The following MTMR8 variants were observed in gnomAD, a reference collection of about 807,000 sequenced individuals.
MTMR8 encodes the protein phosphatidylinositol-3,5-bisphosphate 3-phosphatase MTMR8.
Under a neutral mutation model 39.3 loss-of-function variants are expected in MTMR8, and 65 were observed. That is an observed-to-expected ratio of 1.65 (90% CI 1.35 to 2.03). The LOEUF (loss-of-function observed/expected upper bound fraction) is 2.03, where lower values mean the gene tolerates loss of function less well. Ranked by LOEUF, MTMR8 falls within the 30% of genes most tolerant of loss-of-function variation. The pLI, the probability that MTMR8 is intolerant of heterozygous loss-of-function variation, is 0.00. For synonymous variants in MTMR8, 245 were observed against 185.2 expected (o/e 1.32, Z -2.62); for missense variants, 777 against 538.9 (o/e 1.44, Z -4.37).
At chrX:64,298,407 G>C (rs1330456719) in intron 12 of MTMR8, among the ~76,000 whole-genome samples, 1 of 87,787 alleles carries the variant, frequency 1.1e-5, no homozygotes, top group Non-Finnish European at 2.1e-5. Flanking sequence ...AAGAATGCTT[G>C]TGATTTTTGT....
Position 64,354,809 on chromosome X carries a change from A to G in MTMR8, c.436T>C (p.Trp146Arg). The change falls in exon 4 of 14, where the codon TGG (tryptophan) becomes CGG (arginine). Residue 146 changes from tryptophan (W) to arginine (R), a missense_variant. By Grantham distance (101) the Trp-to-Arg change is moderately radical (BLOSUM62 -3). Transcript: ENST00000374852. ...TTTCTGTTGGCATCTGTTATGGTCC[A>G]GTTTCTGTTGGGTATTCCCATACGC... ...FGRMGIPNRN[W>R]TITDANRNYE... 8.3e-7 allele frequency: 1 copy of G among 1,205,071 alleles called. No individual in the cohort carries two copies. The highest frequency in any genetic ancestry group is 2.2e-5 in the Admixed American group (1 of 45,024).
At chrX:64,356,074 C>A (rs1165166303) in intron 3 of MTMR8, 102 bp downstream of exon 3, 19 of 840,982 alleles carry the variant, frequency 2.3e-5, no homozygotes, top group Middle Eastern at 6.3e-4. Flanking sequence ...GTGGTACAGC[C>A]CAGATCCAAA....
intron 12 of MTMR8, among the ~76,000 whole-genome samples, chrX:64,283,403 G>A (rs1315604262): frequency 3.6e-5 from 4 of 112,213 alleles, no homozygotes; most frequent in Admixed American, 9.5e-5. Context: ...TGGGGGCAGG[G>A]TATAGCTGAA....
chrX:64,386,404 T>G (rs1436336937), intron 1 of MTMR8, among the ~76,000 whole-genome samples: 1 of 111,428 alleles, frequency 9.0e-6, no homozygotes, highest in East Asian at 2.8e-4. Flanking sequence ...CAGAGAAGGA[T>G]TAAACAGTTA....
Position 64,354,848 on chromosome X carries a change from T to C in MTMR8, c.397A>G (p.Ile133Val). Residue 133 changes from isoleucine to valine, a missense_variant, in exon 4 of 14, where the codon ATA becomes GTA. Ile to Val is a conservative substitution (Grantham distance 29). Coordinates refer to ENST00000374852, the MANE Select transcript of MTMR8 (RefSeq NM_017677.4). ...RESGWKLIDP[I>V]SDFGRMGIPN... ...ATTCCCATACGCCCAAAGTCTGATA[T>C]TGGGTCAATCAGTTTCCATCCACTT... The C allele has an allele frequency of 8.3e-7, 1 of 1,207,131 alleles. No individual in the cohort carries two copies. The highest frequency in any genetic ancestry group is 1.1e-6 in the Non-Finnish European group (1 of 892,264).
intron 12 of MTMR8, among the ~76,000 whole-genome samples, chrX:64,280,871 T>G (rs1480632287): frequency 9.0e-6 from 1 of 111,424 alleles, no homozygotes; most frequent in African/African-American, 3.3e-5. Flanking sequence ...AAAATCAATG[T>G]GCAAAAATCT....
At chrX:64,282,077 C>T (rs1932028119) in intron 12 of MTMR8, among the ~76,000 whole-genome samples, 2 of 111,060 alleles carry the variant, frequency 1.8e-5, no homozygotes, top group Admixed American at 9.6e-5. Context: ...ACAACAGATG[C>T]TGGCAAGGCT....
At chrX:64,314,694 G>A (rs1922412841) in intron 12 of MTMR8, among the ~76,000 whole-genome samples, 1 of 112,797 alleles carries the variant, frequency 8.9e-6, no homozygotes, top group African/African-American at 3.2e-5. Flanking sequence ...AGGCAGGGAA[G>A]AAGGCAAGAT....
chrX:64,289,393 A>T (rs1188229542), intron 12 of MTMR8, among the ~76,000 whole-genome samples: 2 of 110,778 alleles, frequency 1.8e-5, no homozygotes, highest in Admixed American at 1.9e-4. Context: ...AAACAGATTT[A>T]ACATATAATC....
chrX:64,293,756 C>G (rs2147193400), intron 12 of MTMR8, among the ~76,000 whole-genome samples: 1 of 111,769 alleles, frequency 8.9e-6, no homozygotes, highest in Admixed American at 9.5e-5. Flanking sequence ...CTAAAGGAAT[C>G]CCCTCACTCC....
chrX:64,288,297 G>T (rs1406494799), intron 12 of MTMR8, among the ~76,000 whole-genome samples: 2 of 111,069 alleles, frequency 1.8e-5, no homozygotes, highest in Middle Eastern at 4.6e-3. Flanking sequence ...TCAGAGAAAT[G>T]CAAATCAAAA....
intron 2 of MTMR8, among the ~76,000 whole-genome samples, chrX:64,359,005 C>G (rs1486711633): frequency 9.0e-6 from 1 of 110,692 alleles, no homozygotes; most frequent in African/African-American, 3.3e-5. Flanking sequence ...AATTCAAAAT[C>G]TTAGGCTTGA....
chrX:64,328,859 T>C lies in MTMR8; in HGVS notation c.1394A>G (p.Gln465Arg). 1 of 1,200,513 alleles carries C rather than the reference T, an allele frequency of 8.3e-7. No homozygotes were observed. ...KTHSVWPFLV[Q>R]RKPDFRNPLY... ...AGGGTTCCTGAAGTCTGGTTTCCTC[T>C]GAACCAAGAAAGGCCACACAGAATG... The change falls in exon 12 of 14, where the codon CAG (glutamine) becomes CGG (arginine). Residue 465 changes from glutamine to arginine, a missense_variant. Transcript: ENST00000374852.
intron 12 of MTMR8, among the ~76,000 whole-genome samples, chrX:64,297,935 A>G (rs1171157126): frequency 4.2e-5 from 4 of 95,987 alleles, no homozygotes; most frequent in African/African-American, 7.7e-5. Context: ...TGTTCCATTG[A>G]TCTATATCTC....
At chrX:64,320,887 CAA>C (rs1569219878) in intron 12 of MTMR8, among the ~76,000 whole-genome samples, 1 of 111,823 alleles carries the variant, frequency 8.9e-6, no homozygotes, top group Non-Finnish European at 1.9e-5. Flanking sequence ...AGCCAATCTG[CAA>C]AGACTAGGAG....
intron 4 of MTMR8, among the ~76,000 whole-genome samples, chrX:64,351,476 G>C (rs145630814): frequency 1.7e-3 from 188 of 111,777 alleles, no homozygotes; most frequent in South Asian, 9.5e-3. Context: ...ACCTGTGTTA[G>C]AGTTCTCTAG....
chrX:64,285,705 C>A (rs1369888774), intron 12 of MTMR8, among the ~76,000 whole-genome samples: 1 of 111,799 alleles, frequency 8.9e-6, no homozygotes, highest in African/African-American at 3.3e-5. Flanking sequence ...GGAAACTGAA[C>A]AACCTGCTCC....
chrX:64,284,177 G>A (rs2095622), intron 12 of MTMR8, among the ~76,000 whole-genome samples: 16,040 of 111,813 alleles, frequency 0.14, 2,680 homozygotes, highest in African/African-American at 0.49. Flanking sequence ...TGTGACGTAC[G>A]CACAAGCTTC....
chrX:64,350,815 C>T (rs1001421146), intron 4 of MTMR8, among the ~76,000 whole-genome samples: 1 of 111,335 alleles, frequency 9.0e-6, no homozygotes, highest in African/African-American at 3.3e-5. Context: ...TACCAAAATA[C>T]ATATTTCCAA....
Sources: allele counts gnomAD v4.1 joint callset (sites outside exome capture counted in the v4.1 genomes callset), GRCh38; gene constraint gnomAD v4.1.1; transcripts MANE v1.5; gene names NCBI Gene and HGNC (gene_info 2026-07-23, HGNC 2026-07-21).